Variants in NMNAT3 observed in about 807,000 individuals in gnomAD.
The protein encoded by NMNAT3 is nicotinamide nucleotide adenylyltransferase 3, also known as nicotinamide/nicotinic acid mononucleotide adenylyltransferase 3.
NMNAT3 carries 21 observed loss-of-function variants against 24.8 expected under a neutral mutation model. The observed-to-expected ratio is 0.85, with a 90% CI of 0.60 to 1.22. NMNAT3 has a LOEUF of 1.22. Ranked by LOEUF, NMNAT3 falls within the 50% of genes most tolerant of loss-of-function variation. The pLI is 0.00. For synonymous variants in NMNAT3, 136 were observed against 155.2 expected (o/e 0.88, Z 0.92); for missense variants, 387 against 436.6 (o/e 0.89, Z 1.01).
intron 1 of NMNAT3, among the ~76,000 whole-genome samples, chr3:139,664,236 G>T (rs2057506979): frequency 6.6e-6 from 1 of 152,138 alleles, no homozygotes; most frequent in African/African-American, 2.4e-5. Flanking sequence ...CCCCAAGTTA[G>T]ATACTCTTCA....
chr3:139,595,453 A>G (rs1559888758), intron 3 of NMNAT3, among the ~76,000 whole-genome samples: 1 of 152,248 alleles, frequency 6.6e-6, no homozygotes, highest in Non-Finnish European at 1.5e-5. Flanking sequence ...CAGAATTGGA[A>G]AAACTACTTT....
At chr3:139,580,456 A>C (rs1940017532) in intron 4 of NMNAT3, among the ~76,000 whole-genome samples, 1 of 151,958 alleles carries the variant, frequency 6.6e-6, no homozygotes, top group Admixed American at 6.6e-5. Context: ...GTTTTGTAGA[A>C]CTCACCAGTG....
chr3:139,671,618 T>TCA (rs140979498), intron 1 of NMNAT3, among the ~76,000 whole-genome samples: 14,996 of 150,606 alleles, frequency 0.1, 933 homozygotes, highest in East Asian at 0.29. Flanking sequence ...TCTCTCTCTC[T>TCA]CACACACACA....
intron 3 of NMNAT3, among the ~76,000 whole-genome samples, chr3:139,622,400 C>A (rs1157237466): frequency 6.6e-6 from 1 of 151,798 alleles, no homozygotes; most frequent in Non-Finnish European, 1.5e-5. Flanking sequence ...GTGTTCTAAA[C>A]ATATCTAAAC....
intron 1 of NMNAT3, among the ~76,000 whole-genome samples, chr3:139,660,943 C>T (rs747762438): frequency 3.3e-5 from 5 of 152,182 alleles, no homozygotes; most frequent in Non-Finnish European, 5.9e-5. Context: ...TCTGAAGTGA[C>T]ATATGCGATG....
At chr3:139,603,104 A>G (rs1471966808) in intron 3 of NMNAT3, among the ~76,000 whole-genome samples, 1 of 152,228 alleles carries the variant, frequency 6.6e-6, no homozygotes, top group Non-Finnish European at 1.5e-5. Context: ...AAAAAGGGTT[A>G]AGTGATCAAA....
chr3:139,569,483 G>A (rs1462230509), intron 6 of NMNAT3: 2 of 152,210 alleles, frequency 1.3e-5, no homozygotes, highest in Non-Finnish European at 2.9e-5. Context: ...GCTGGTACCA[G>A]TTGTTCCTTT....
intron 1 of NMNAT3, among the ~76,000 whole-genome samples, chr3:139,674,640 T>A (rs16849303): frequency 0.41 from 61,736 of 152,022 alleles, 12,798 homozygotes; most frequent in Non-Finnish European, 0.45. Flanking sequence ...GTCAAGTGCT[T>A]TAAGTAACGA....
At chr3:139,613,098 C>T (rs1449198322) in intron 3 of NMNAT3, among the ~76,000 whole-genome samples, 1 of 151,980 alleles carries the variant, frequency 6.6e-6, no homozygotes, top group Non-Finnish European at 1.5e-5. Context: ...TCTAAAACAC[C>T]AAAAGCAATG....
intron 1 of NMNAT3, among the ~76,000 whole-genome samples, chr3:139,642,282 C>A (rs2056732055): frequency 6.6e-6 from 1 of 152,202 alleles, no homozygotes; most frequent in Non-Finnish European, 1.5e-5. Flanking sequence ...TGGCCCAAAG[C>A]ATCCAAAGAG....
chr3:139,571,913 C>T (rs2108048248), intron 6 of NMNAT3, among the ~76,000 whole-genome samples: 1 of 152,372 alleles, frequency 6.6e-6, no homozygotes, highest in African/African-American at 2.4e-5. Flanking sequence ...CTGCCCCTGC[C>T]TCTCACTGGA....
At chr3:139,619,468 G>A (rs1045888836) in intron 3 of NMNAT3, among the ~76,000 whole-genome samples, 8 of 152,038 alleles carry the variant, frequency 5.3e-5, no homozygotes, top group Admixed American at 6.6e-5. Context: ...ATCTATGTAC[G>A]CTGTGGTTAT....
At chr3:139,634,225 G>C (rs888744291) in intron 2 of NMNAT3, 1 of 152,252 alleles carries the variant, frequency 6.6e-6, no homozygotes, top group Non-Finnish European at 1.5e-5. Flanking sequence ...ACGTGCAAAT[G>C]CTCATCGCTT....
chr3:139,568,299 G>C (rs1937549796), intron 6 of NMNAT3: 1 of 152,146 alleles, frequency 6.6e-6, no homozygotes, highest in South Asian at 2.1e-4. Context: ...CCAGCTCCTG[G>C]ATTCATTACT....
chr3:139,568,679 T>C (rs1937587021), intron 6 of NMNAT3: 1 of 152,248 alleles, frequency 6.6e-6, no homozygotes, highest in Non-Finnish European at 1.5e-5. Context: ...TCCTGAGTTC[T>C]AGTTTGATTG....
chr3:139,652,063 C>A (rs908051679), intron 1 of NMNAT3, among the ~76,000 whole-genome samples: 1 of 152,116 alleles, frequency 6.6e-6, no homozygotes. Flanking sequence ...TGTCTAGAGG[C>A]CCCCAAAGCC....
intron 1 of NMNAT3, among the ~76,000 whole-genome samples, chr3:139,659,418 T>C (rs1291752767): frequency 2.6e-5 from 4 of 152,254 alleles, no homozygotes; most frequent in Non-Finnish European, 1.5e-5. Context: ...GAATGCAAGA[T>C]GACTTCAGGT....
chr3:139,668,077 G>A (rs1439216627), intron 1 of NMNAT3, among the ~76,000 whole-genome samples: 4 of 152,192 alleles, frequency 2.6e-5, no homozygotes, highest in Non-Finnish European at 5.9e-5. Context: ...ACAGGCAAGA[G>A]GAACCCAAGG....
chr3:139,604,683 C>A (rs1168472589), intron 3 of NMNAT3, among the ~76,000 whole-genome samples: 1 of 152,200 alleles, frequency 6.6e-6, no homozygotes, highest in African/African-American at 2.4e-5. Flanking sequence ...TTTTAACACA[C>A]TGTCTGCACA....
Sources: allele counts gnomAD v4.1 joint callset (sites outside exome capture counted in the v4.1 genomes callset), GRCh38; gene constraint gnomAD v4.1.1; transcripts MANE v1.5; gene names NCBI Gene and HGNC (gene_info 2026-07-23, HGNC 2026-07-21).